The following WSCD2 variants were observed in gnomAD, a reference collection of about 807,000 sequenced individuals.
WSCD2 encodes the protein sialate:O-sulfotransferase 2.
WSCD2 carries 28 observed loss-of-function variants against 55.7 expected under a neutral mutation model. The observed-to-expected ratio is 0.50, with a 90% CI of 0.37 to 0.69. The LOEUF (loss-of-function observed/expected upper bound fraction) is 0.69, where lower values mean the gene tolerates loss of function less well. WSCD2 is among the 30% of genes least tolerant of loss of function. WSCD2 has a pLI of 0.00. For synonymous variants in WSCD2, 301 were observed against 301.9 expected, an observed-to-expected ratio of 1.00 and a Z score of 0.03; for missense variants, 616 against 762.1, an observed-to-expected ratio of 0.81 and a Z score of 2.26.
intron 6 of WSCD2, among the ~76,000 whole-genome samples, chr12:108,228,193 G>C (rs1212298908): frequency 6.6e-6 from 1 of 152,106 alleles, no homozygotes; most frequent in Non-Finnish European, 1.5e-5. Context: ...GGGATTGGGG[G>C]GCATCCCTTG....
chr12:108,210,154 C>T lies in WSCD2; in HGVS notation c.531C>T (p.Ala177=), dbSNP rs368739228. Residue 177 remains alanine, a synonymous_variant, in exon 4 of 9, where the codon GCC becomes GCT. Transcript: ENST00000547525. The surrounding 1 kb of genome is among the most constrained non-coding windows in gnomAD (Gnocchi z 4.3). The part of the protein sequence containing the change: ...GYLYGGLEFG[A]ECYCGHKIQA... ...TGTATGGCGGGCTGGAGTTCGGCGC[C>T]GAGTGCTACTGCGGCCACAAGATCC... The T allele has an allele frequency of 5.0e-6, 8 of 1,614,000 alleles. No homozygotes were observed. Among genetic ancestry groups the T allele is most frequent in the Middle Eastern group, 1.6e-4 (1 of 6,084 alleles).
intron 1 of WSCD2, among the ~76,000 whole-genome samples, chr12:108,154,423 C>T (rs1361353547): frequency 6.6e-6 from 1 of 152,194 alleles, no homozygotes; most frequent in African/African-American, 2.4e-5. Context: ...GTCTTCTCTC[C>T]TTCTCCGACT....
intron 1 of WSCD2, among the ~76,000 whole-genome samples, chr12:108,163,427 T>C (rs1356634852): frequency 3.3e-5 from 5 of 152,170 alleles, no homozygotes; most frequent in Admixed American, 1.3e-4. Flanking sequence ...TTCTTCTTTC[T>C]AAGTGTGGTG....
intron 1 of WSCD2, among the ~76,000 whole-genome samples, chr12:108,191,258 T>G (rs748810048): frequency 2.9e-4 from 44 of 152,212 alleles, no homozygotes; most frequent in Non-Finnish European, 1.0e-4. Context: ...CAGCATATAG[T>G]AGGTATTCAA....
chr12:108,213,086 A>C (rs1309784932), intron 4 of WSCD2, among the ~76,000 whole-genome samples: 1 of 152,224 alleles, frequency 6.6e-6, no homozygotes, highest in African/African-American at 2.4e-5. Flanking sequence ...TGCAGGGACC[A>C]TTCATTGAAC....
chr12:108,134,601 A>G (rs1875978550), intron 1 of WSCD2, among the ~76,000 whole-genome samples: 1 of 152,084 alleles, frequency 6.6e-6, no homozygotes, highest in Non-Finnish European at 1.5e-5. Flanking sequence ...TTTGTTACAC[A>G]CCACTGTCAT....
intron 1 of WSCD2, among the ~76,000 whole-genome samples, chr12:108,166,479 C>A (rs748103161): frequency 6.6e-6 from 1 of 152,162 alleles, no homozygotes; most frequent in African/African-American, 2.4e-5. Flanking sequence ...ATGTTTATTG[C>A]CCTTGGGATT....
chr12:108,148,754 G>A (rs1877661609), intron 1 of WSCD2, among the ~76,000 whole-genome samples: 1 of 152,196 alleles, frequency 6.6e-6, no homozygotes, highest in Admixed American at 6.5e-5. Flanking sequence ...TGTTTATTGA[G>A]CTCTTACTAA....
chr12:108,138,652 G>T lies in WSCD2; in HGVS notation c.-552+8726G>T, dbSNP rs553107507. ...GATTCTTCCTAGCACTAATGTGTCT[G>T]TGGGCATCTGTTCAGGACTCATGAT... On this transcript the variant is annotated intron_variant, in intron 1 of 8. Transcript: ENST00000547525. 3.3e-4 allele frequency among the ~76,000 whole-genome samples: 50 copies of T among 152,322 alleles called. 1 individual carries two copies. Among genetic ancestry groups the T allele is most frequent in the South Asian group, 2.1e-4 (1 of 4,826 alleles).
intron 2 of WSCD2, among the ~76,000 whole-genome samples, chr12:108,201,980 G>A (rs1200502035): frequency 1.3e-5 from 2 of 152,160 alleles, no homozygotes; most frequent in Non-Finnish European, 2.9e-5. Context: ...TAGATTGTGT[G>A]AACTTGGCCA....
intron 1 of WSCD2, among the ~76,000 whole-genome samples, chr12:108,191,919 C>T (rs1424895193): frequency 6.6e-6 from 1 of 152,228 alleles, no homozygotes; most frequent in Non-Finnish European, 1.5e-5. Context: ...ATGCCTCAGT[C>T]TCATTCTGTT....
intron 1 of WSCD2, among the ~76,000 whole-genome samples, chr12:108,150,672 T>TATTTTTGTGATAG (rs1877893312): frequency 6.6e-6 from 1 of 152,152 alleles, no homozygotes; most frequent in Non-Finnish European, 1.5e-5. Flanking sequence ...ATGCAGTCGG[T>TATTTTTGTGATAG]GCTCAGTGTA....
chr12:108,224,968 T>C (rs566001830), intron 5 of WSCD2, 108 bp downstream of exon 5: 2 of 1,465,922 alleles, frequency 1.4e-6, no homozygotes, highest in South Asian at 1.3e-5. Context: ...GGGATAGATG[T>C]AGTCGTTGAC....
At chr12:108,207,532 GCTTT>G (rs1885555945) in intron 3 of WSCD2, among the ~76,000 whole-genome samples, 1 of 120,788 alleles carries the variant, frequency 8.3e-6, no homozygotes, top group Non-Finnish European at 1.7e-5. Flanking sequence ...ACCATGCCTG[GCTTT>G]TTTTTTTTTT....
rs1240894130 is a variant in WSCD2, at chr12:108,151,927, C to T, written c.-552+22001C>T. Among the ~76,000 whole-genome samples the T allele has an allele frequency of 2.0e-5, 3 of 152,330 alleles. No homozygotes were observed. In the East Asian group the frequency reaches 5.8e-4, roughly 29 times the overall value. ...CTTTCCAACATTCTCTCAGCTCCCT[C>T]CCAGCCCTCCTCCTGCACACACTGG... is the stretch of plus-strand genomic sequence containing the variant. On this transcript the variant is annotated intron_variant, in intron 1 of 8. Coordinates refer to ENST00000547525, the MANE Select transcript of WSCD2 (RefSeq NM_014653.4).
At chr12:108,188,647 C>T (rs993041479) in intron 1 of WSCD2, among the ~76,000 whole-genome samples, 19 of 152,068 alleles carry the variant, frequency 1.2e-4, no homozygotes, top group Admixed American at 1.2e-3. Context: ...GGTCCACCAC[C>T]AAGAAGGGTG....
intron 2 of WSCD2, among the ~76,000 whole-genome samples, chr12:108,204,275 C>T (rs564404553): frequency 1.3e-5 from 2 of 152,124 alleles, no homozygotes; most frequent in Non-Finnish European, 2.9e-5. Flanking sequence ...GATCTGCTGA[C>T]AAAAACTTCA....
At chr12:108,224,979 T>C in intron 5 of WSCD2, 119 bp downstream of exon 5, 1 of 1,407,526 alleles carries the variant, frequency 7.1e-7, no homozygotes, top group East Asian at 2.3e-5. Context: ...AGTCGTTGAC[T>C]GGGATCTATG....
At position 108,195,801 on chromosome 12, in the gene WSCD2, G is replaced by A. The variant is rs755924743; in HGVS notation, c.-32G>A. On this transcript the variant is annotated 5_prime_UTR_variant, in exon 2 of 9. Coordinates refer to ENST00000547525, the MANE Select transcript of WSCD2 (RefSeq NM_014653.4). ...ATCCTCTCCCAAGCACCCCAGCCAA[G>A]CCCCAGAGAGCCAGTCCGGAATGAT... 8 of 1,568,168 alleles carry A rather than the reference G, an allele frequency of 5.1e-6. No homozygotes were observed. The Admixed American group carries it at 1.4e-4, about 28-fold the overall frequency.
Sources: gnomAD v4.1 joint callset for allele counts (sites outside exome capture counted in the v4.1 genomes callset) on GRCh38, gnomAD v4.1.1 for gene constraint, Gnocchi (gnomAD v3.1) non-coding constraint, MANE v1.5 for transcripts, NCBI Gene and HGNC (gene_info 2026-07-23, HGNC 2026-07-21) for gene names.